SP4: variants seen among roughly 807,000 people sequenced by gnomAD.
The protein encoded by SP4 is transcription factor Sp4.
SP4 carries 19 observed loss-of-function variants against 72.8 expected under a neutral mutation model. The ratio of observed to expected loss-of-function variants is 0.26; its 90% CI spans 0.18 to 0.38. The LOEUF is 0.38. Ranked by LOEUF, SP4 falls within the 10% of genes least tolerant of loss-of-function variation. The pLI, the probability that SP4 is intolerant of heterozygous loss-of-function variation, is 1.00. For missense variants in SP4, 1,008 were observed against 926.3 expected (o/e 1.09, Z -1.14); for synonymous variants, 395 against 333.1 (o/e 1.19, Z -2.02).
At chr7:21,480,105 G>A (rs1314523498) in intron 4 of SP4, among the ~76,000 whole-genome samples, 4 of 151,966 alleles carry the variant, frequency 2.6e-5, no homozygotes, top group Admixed American at 6.6e-5. Context: ...CAGGAGTTCT[G>A]TTTCTTTTTC....
intron 4 of SP4, among the ~76,000 whole-genome samples, chr7:21,478,289 C>T (rs1222220837): frequency 1.3e-5 from 2 of 152,186 alleles, no homozygotes; most frequent in Admixed American, 6.5e-5. Flanking sequence ...GTTTTATCCA[C>T]CCACTGGCCG....
At chr7:21,439,618 C>T (rs958492581) in intron 3 of SP4, among the ~76,000 whole-genome samples, 2 of 151,726 alleles carry the variant, frequency 1.3e-5, no homozygotes, top group African/African-American at 4.9e-5. Flanking sequence ...AGGCCAAGTG[C>T]AATGGCTCAT....
At chr7:21,475,183 CG>C (rs1784463834) in intron 3 of SP4, among the ~76,000 whole-genome samples, 3 of 150,520 alleles carry the variant, frequency 2.0e-5, no homozygotes, top group African/African-American at 7.3e-5. Flanking sequence ...GGCACAATTT[CG>C]GCTCACTGAA....
chr7:21,482,809 G>A (rs547243726), intron 5 of SP4: 2 of 952,090 alleles, frequency 2.1e-6, no homozygotes, highest in Non-Finnish European at 1.3e-6. Flanking sequence ...CTTGTTTTGA[G>A]ATCTGTTTGT....
chr7:21,473,604 G>A (rs868862335), intron 3 of SP4, among the ~76,000 whole-genome samples: 6 of 152,196 alleles, frequency 3.9e-5, no homozygotes, highest in Admixed American at 2.0e-4. Context: ...TGATGATACA[G>A]TGATATATTG....
intron 3 of SP4, among the ~76,000 whole-genome samples, chr7:21,458,727 G>T (rs1056016366): frequency 9.2e-5 from 14 of 152,094 alleles, no homozygotes; most frequent in African/African-American, 2.9e-4. Flanking sequence ...ACTGAAGATA[G>T]ATCTGGATTG....
chr7:21,477,889 A>C (rs77727033), intron 4 of SP4, among the ~76,000 whole-genome samples: 5,966 of 152,136 alleles, frequency 0.039, 187 homozygotes, highest in African/African-American at 0.09. Context: ...TTGATATAAA[A>C]CTCATTCGTA....
chr7:21,498,773 C>G (rs1408855126), intron 5 of SP4, among the ~76,000 whole-genome samples: 1 of 152,126 alleles, frequency 6.6e-6, no homozygotes, highest in Non-Finnish European at 1.5e-5. Context: ...AAACCAGATT[C>G]TTAAAGTAAA....
At chr7:21,489,544 T>A (rs1784914753) in intron 5 of SP4, among the ~76,000 whole-genome samples, 1 of 62,520 alleles carries the variant, frequency 1.6e-5, no homozygotes, top group South Asian at 5.8e-4. Context: ...TGGTCTTTTT[T>A]TCTTTTTTCT....
chr7:21,497,263 G>GC (rs907067326), intron 5 of SP4, among the ~76,000 whole-genome samples: 125 of 152,350 alleles, frequency 8.2e-4, no homozygotes, highest in African/African-American at 2.9e-3. Flanking sequence ...CTTTGAAAGA[G>GC]CCTCAGCTGT....
At chr7:21,428,584 G>C in intron 1 of SP4, 93 bp from the exon 2 acceptor site, 1 of 1,269,038 alleles carries the variant, frequency 7.9e-7, no homozygotes, top group Non-Finnish European at 1.1e-6. Context: ...TTAATGTTCG[G>C]GGGGAGGGGG....
At chr7:21,480,142 CT>C (rs1048326102) in intron 4 of SP4, among the ~76,000 whole-genome samples, 1 of 152,080 alleles carries the variant, frequency 6.6e-6, no homozygotes, top group African/African-American at 2.4e-5. Flanking sequence ...TCTGGAACCT[CT>C]GGTACAATGT....
At chr7:21,450,011 TA>T (rs1453004336) in intron 3 of SP4, among the ~76,000 whole-genome samples, 1 of 151,942 alleles carries the variant, frequency 6.6e-6, no homozygotes, top group African/African-American at 2.4e-5. Context: ...TAGTTATTTA[TA>T]TTTTATTTTA....
intron 3 of SP4, among the ~76,000 whole-genome samples, chr7:21,475,229 C>G (rs887784536): frequency 6.6e-6 from 1 of 151,922 alleles, no homozygotes. Flanking sequence ...ATTCTGCTGC[C>G]TCAGCTTCCC....
chr7:21,503,741 T>C (rs1200695308), intron 5 of SP4, among the ~76,000 whole-genome samples: 2 of 152,220 alleles, frequency 1.3e-5, no homozygotes, highest in Non-Finnish European at 2.9e-5. Flanking sequence ...TTCTGTGAAA[T>C]CTACTTGAAT....
intron 3 of SP4, among the ~76,000 whole-genome samples, chr7:21,442,582 C>T (rs548512101): frequency 6.6e-6 from 1 of 151,994 alleles, no homozygotes; most frequent in Non-Finnish European, 1.5e-5. Flanking sequence ...ACTAGTTCTG[C>T]TTGTAGGGTT....
At position 21,428,697 on chromosome 7, in the gene SP4, G is replaced by T; in HGVS notation, c.28G>T (p.Glu10Ter). 1 of 1,554,118 alleles carries T rather than the reference G, an allele frequency of 6.4e-7. No homozygotes were observed. The highest frequency in any genetic ancestry group is 2.4e-5 in the East Asian group (1 of 41,094). Reference sequence around the variant, plus strand: ...TGCAGATCAGAAGAAGGAGGAGGAGGAGGAGGCGGCAGCGGCAGCGGCGAT... The same window carrying T: ...TGCAGATCAGAAGAAGGAGGAGGAGTAGGAGGCGGCAGCGGCAGCGGCGAT... MSDQKKEEEEEAAAAAAMAT... is the reference protein window; with the variant it reads MSDQKKEEE The change falls in exon 2 of 6, where the codon GAG becomes TAG. Residue 10 changes from glutamate to a stop codon, truncating the protein, a stop_gained. Transcript: ENST00000222584. LOFTEE classifies it high-confidence loss of function.
chr7:21,490,829 A>G (rs1445956284), intron 5 of SP4, among the ~76,000 whole-genome samples: 1 of 152,244 alleles, frequency 6.6e-6, no homozygotes, highest in Non-Finnish European at 1.5e-5. Context: ...AGAGACAAAA[A>G]GCATAACAAA....
At chr7:21,479,802 A>G (rs187206707) in intron 4 of SP4, among the ~76,000 whole-genome samples, 4 of 152,274 alleles carry the variant, frequency 2.6e-5, no homozygotes, top group East Asian at 1.9e-4. Context: ...AACTTCTTTC[A>G]TCAATGTTTT....
Sources: allele counts gnomAD v4.1 joint callset (sites outside exome capture counted in the v4.1 genomes callset), GRCh38; gene constraint gnomAD v4.1.1; transcripts MANE v1.5; gene names NCBI Gene and HGNC (gene_info 2026-07-23, HGNC 2026-07-21).